The following ADAM15 variants were observed in gnomAD, a reference collection of about 807,000 sequenced individuals.
ADAM15 encodes the protein disintegrin and metalloproteinase domain-containing protein 15.
In ADAM15, 77 loss-of-function variants were observed where a neutral mutation model predicts 113.8. The observed-to-expected ratio is 0.68, with a 90% CI of 0.56 to 0.82. The LOEUF (loss-of-function observed/expected upper bound fraction) is 0.82. Among genes scored for constraint, ADAM15 ranks in the 40% least tolerant of loss-of-function variants. ADAM15 has a pLI of 0.00. For missense variants in ADAM15, 963 were observed against 1,120.1 expected, an observed-to-expected ratio of 0.86 and a Z score of 2.00; for synonymous variants, 388 against 454.1, an observed-to-expected ratio of 0.85 and a Z score of 1.85.
intron 16 of ADAM15, 37 bp from the exon 17 acceptor site, chr1:155,059,865 G>A (rs1662328583): frequency 6.2e-7 from 1 of 1,601,618 alleles, no homozygotes; most frequent in South Asian, 1.1e-5. Context: ...TAGTTCCAGA[G>A]TGCAGAGCTC....
chr1:155,062,386 G>T lies in ADAM15; in HGVS notation c.2549+17G>T, dbSNP rs2102433149. 1 of 1,606,330 alleles carries T rather than the reference G, an allele frequency of 6.2e-7. No individual in the cohort carries two copies. The highest frequency in any genetic ancestry group is 2.2e-5 in the East Asian group (1 of 44,694). On this transcript the variant is annotated intron_variant, in intron 22 of 22. Coordinates refer to ENST00000356955, the MANE Select transcript of ADAM15 (RefSeq NM_207197.3). The surrounding 1 kb of genome is among the most constrained non-coding windows in gnomAD (Gnocchi z 7.0). ...ACCCTCCAGGTAGGAGGAGCCCTGG[G>T]CATGGGTGGGCGGGGCGAGTGACCT...
At chr1:155,055,728 C>G in intron 6 of ADAM15, 62 bp from the exon 7 acceptor site, 1 of 1,590,390 alleles carries the variant, frequency 6.3e-7, no homozygotes, top group East Asian at 2.2e-5. Context: ...TCTTGGTCAG[C>G]CCGGCACAGC....
intron 1 of ADAM15, chr1:155,052,410 G>A (rs1236665550): frequency 2.4e-6 from 3 of 1,276,252 alleles, no homozygotes; most frequent in East Asian, 2.5e-5. Flanking sequence ...GGCCGGAAGG[G>A]GACAAGGAGG....
chr1:155,060,019 T>C, intron 17 of ADAM15, 45 bp downstream of exon 17: 2 of 1,608,434 alleles, frequency 1.2e-6, no homozygotes, highest in South Asian at 1.1e-5. Context: ...GGGCAAAGCG[T>C]CTCATGCTTT....
At position 155,061,496 on chromosome 1, in the gene ADAM15, C is replaced by G; in HGVS notation, c.2352+7C>G. On this transcript the variant is annotated splice_region_variant and intron_variant, in intron 20 of 22. Coordinates refer to ENST00000356955, the MANE Select transcript of ADAM15 (RefSeq NM_207197.3). ...TGTGTCCAAGAGACTCCAGGTAAAT[C>G]TGGGCCAGGGCCCGCCCTGAGCCAA... 6.2e-7 allele frequency: 1 copy of G among 1,613,130 alleles called. No homozygotes were observed. The highest frequency in any genetic ancestry group is 8.5e-7 in the Non-Finnish European group (1 of 1,179,782).
At chr1:155,053,298 GA>G (rs1477342809) in intron 2 of ADAM15, 118 bp from the exon 3 acceptor site, 2 of 911,596 alleles carry the variant, frequency 2.2e-6, no homozygotes, top group African/African-American at 3.3e-5. Flanking sequence ...CCTCCCCTGG[GA>G]TCCCCCCACC....
chr1:155,057,970 C>T lies in ADAM15; in HGVS notation c.1536C>T (p.Cys512=), dbSNP rs533390348. Residue 512 remains cysteine (C), a synonymous_variant, in exon 14 of 23, where the codon TGC becomes TGT. Coordinates refer to ENST00000356955, the MANE Select transcript of ADAM15 (RefSeq NM_207197.3). This position sits in a 1 kb window ranked among gnomAD's most constrained non-coding sequence, Gnocchi z 5.0. ...TCAGCCTAGGGGATGGCGAGCCCTG[C>T]GCTGGCGGGCAAGCTGTGTGCATGC... is the stretch of plus-strand genomic sequence containing the variant. The part of the protein sequence containing the change: ...PDVSLGDGEP[C]AGGQAVCMHG... 42 of 1,612,750 alleles carry T rather than the reference C, an allele frequency of 2.6e-5. No individual in the cohort carries two copies. The East Asian group carries it at 6.2e-4, about 24-fold the overall frequency.
chr1:155,058,927 A>G lies in ADAM15; in HGVS notation c.1995+140A>G. The G allele has an allele frequency of 8.6e-7, 1 of 1,165,816 alleles. No homozygotes were observed. 72.2% of individuals were successfully genotyped at this position (1,165,816 alleles called of 1,614,324 possible). ...GTTGTGTGACCTCGGGCAGGTTACT[A>G]ACTTTGCTGAGCTCAGTTTCCCCAC... On this transcript the variant is annotated intron_variant, in intron 16 of 22. Transcript: ENST00000356955. This position sits in a 1 kb window ranked among gnomAD's most constrained non-coding sequence, Gnocchi z 4.3.
rs2306122 is a variant in ADAM15 at position 155,056,216 on chromosome 1, C to T, written c.881C>T (p.Pro294Leu). The T allele has an allele frequency of 1.2e-3, 1,882 of 1,614,020 alleles. 1 individual carries two copies. The highest frequency in any genetic ancestry group is 1.0e-3 in the Non-Finnish European group (1,190 of 1,180,028). Residue 294 changes from proline (P) to leucine (L), a missense_variant, in exon 9 of 23, where the codon CCT (proline) becomes CTT (leucine). Physicochemically the swap from Pro to Leu is moderately conservative, Grantham distance 98. Coordinates refer to ENST00000356955, the MANE Select transcript of ADAM15 (RefSeq NM_207197.3). This position sits in a 1 kb window ranked among gnomAD's most constrained non-coding sequence, Gnocchi z 4.0. ...FLHWRRAHLL[P>L]RLPHDSAQLV... ...CACTGGCGCAGGGCACATTTGCTGCCTCGATTGCCCCATGACAGTGCCCAG... is the reference window on the plus strand; with the variant it reads ...CACTGGCGCAGGGCACATTTGCTGCTTCGATTGCCCCATGACAGTGCCCAG...
At chr1:155,052,584 G>C (rs1661211039) in intron 1 of ADAM15, 87 bp from the exon 2 acceptor site, 1 of 1,551,686 alleles carries the variant, frequency 6.4e-7, no homozygotes, top group African/African-American at 1.4e-5. Flanking sequence ...TGATGGGCTG[G>C]GAGCTGGTGG....
intron 19 of ADAM15, chr1:155,061,058 G>T: frequency 1.7e-6 from 1 of 587,796 alleles, no homozygotes; most frequent in Non-Finnish European, 3.0e-6. Flanking sequence ...GAGCTGCTGG[G>T]CTCCGTCCGC....
In ADAM15 at chr1:155,062,430, ACT is replaced by A. The variant is rs947897037; in HGVS notation, c.2550-27_2550-26del. The A allele has an allele frequency of 9.3e-6, 15 of 1,611,708 alleles. No individual in the cohort carries two copies. In the African/African-American group the frequency reaches 1.6e-4, roughly 17 times the overall value. On this transcript the variant is annotated intron_variant, in intron 22 of 22. Transcript: ENST00000356955. This position sits in a 1 kb window ranked among gnomAD's most constrained non-coding sequence, Gnocchi z 7.0. ...GTGACCTGGGGGAAAGGGGCCTCTG[ACT>A]CTTTTTTCTTGGCTTCCCGCAATCC...
chr1:155,058,829 C>A lies in ADAM15; in HGVS notation c.1995+42C>A. 1 of 1,575,654 alleles carries A rather than the reference C, an allele frequency of 6.3e-7. No individual in the cohort carries two copies. The highest frequency in any genetic ancestry group is 1.9e-5 in the Admixed American group (1 of 53,620). On this transcript the variant is annotated intron_variant, in intron 16 of 22. Coordinates refer to ENST00000356955, the MANE Select transcript of ADAM15 (RefSeq NM_207197.3). This position sits in a 1 kb window ranked among gnomAD's most constrained non-coding sequence, Gnocchi z 4.3. ...GAAGTGGAAGGGGAGCAGAGAGCCTCTAGAGAGGAAAAGGATACTGGGCTT... is the reference window on the plus strand; with the variant it reads ...GAAGTGGAAGGGGAGCAGAGAGCCTATAGAGAGGAAAAGGATACTGGGCTT...
intron 19 of ADAM15, 155 bp downstream of exon 19, chr1:155,060,987 C>A: frequency 1.4e-6 from 1 of 720,312 alleles, no homozygotes; most frequent in Non-Finnish European, 2.2e-6. Flanking sequence ...CCCTCCCCTC[C>A]CCTGGCTACA....
At chr1:155,055,209 A>G (rs1558122908) in intron 6 of ADAM15, among the ~76,000 whole-genome samples, 1 of 139,320 alleles carries the variant, frequency 7.2e-6, no homozygotes, top group African/African-American at 2.7e-5. Flanking sequence ...TGTTATTGGG[A>G]TTTTTAAAAA....
rs376137988 is a variant in ADAM15 at position 155,058,826 on chromosome 1, C to A, written c.1995+39C>A. 6.3e-7 allele frequency: 1 copy of A among 1,578,932 alleles called. No homozygotes were observed. Among genetic ancestry groups the A allele is most frequent in the Non-Finnish European group, 8.6e-7 (1 of 1,162,590 alleles). On this transcript the variant is annotated intron_variant, in intron 16 of 22. Transcript: ENST00000356955. The surrounding 1 kb of genome is among the most constrained non-coding windows in gnomAD (Gnocchi z 4.3). ...GGGGAAGTGGAAGGGGAGCAGAGAG[C>A]CTCTAGAGAGGAAAAGGATACTGGG...
At chr1:155,060,118 CACTTG>C in intron 17 of ADAM15, 82 bp from the exon 18 acceptor site, 1 of 1,580,098 alleles carries the variant, frequency 6.3e-7, no homozygotes. Flanking sequence ...TCTCCCTGAT[CACTTG>C]ACTTCACTCC....
In ADAM15 at chr1:155,062,156, C is replaced by G. The variant is rs45444697; in HGVS notation, c.2425-89C>G. 276,849 of 1,443,768 alleles carry G rather than the reference C, an allele frequency of 0.19. 28,713 individuals are homozygous for G. Among genetic ancestry groups the G allele is most frequent in the Non-Finnish European group, 0.22 (236,930 of 1,096,442 alleles). The allele number at this position is 1,443,768 out of a possible 1,614,324, so 89.4% of individuals were successfully genotyped here. ...CAAGGGTGACCGCTGGTGCTGCCCC[C>G]AAGCTGGTGTTCCCCAGCACCAGTG... On this transcript the variant is annotated intron_variant, in intron 21 of 22. Coordinates refer to ENST00000356955, the MANE Select transcript of ADAM15 (RefSeq NM_207197.3). The surrounding 1 kb of genome is among the most constrained non-coding windows in gnomAD (Gnocchi z 7.0).
In ADAM15 at chr1:155,062,126, G is replaced by C; in HGVS notation, c.2425-119G>C. 6.9e-7 allele frequency: 1 copy of C among 1,455,468 alleles called. No homozygotes were observed. Among genetic ancestry groups the C allele is most frequent in the East Asian group, 2.5e-5 (1 of 40,346 alleles). 90.2% of individuals were successfully genotyped at this position (1,455,468 alleles called of 1,614,324 possible). ...GCCTTTAATGGTGACAGGTTTGTTT[G>C]CAGACAAGGGTGACCGCTGGTGCTG... On this transcript the variant is annotated intron_variant, in intron 21 of 22. Coordinates refer to ENST00000356955, the MANE Select transcript of ADAM15 (RefSeq NM_207197.3). The surrounding 1 kb of genome is among the most constrained non-coding windows in gnomAD (Gnocchi z 7.0).
Sources: gnomAD v4.1 joint callset for allele counts (sites outside exome capture counted in the v4.1 genomes callset) on GRCh38, gnomAD v4.1.1 for gene constraint, Gnocchi (gnomAD v3.1) non-coding constraint, MANE v1.5 for transcripts, NCBI Gene and HGNC (gene_info 2026-07-23, HGNC 2026-07-21) for gene names.